PACS1: variants seen among roughly 807,000 people sequenced by gnomAD.
PACS1 encodes PACS-1.
A neutral mutation model predicts 115.0 loss-of-function variants in PACS1; 24 were observed. The observed-to-expected ratio is 0.21, with a 90% CI of 0.15 to 0.29. PACS1 has a LOEUF of 0.29. PACS1 is among the 10% of genes least tolerant of loss of function. The pLI, the probability that PACS1 is intolerant of heterozygous loss-of-function variation, is 1.00. For missense variants in PACS1, 838 were observed against 1,251.2 expected, an observed-to-expected ratio of 0.67 and a Z score of 4.98; for synonymous variants, 453 against 504.5, an observed-to-expected ratio of 0.90 and a Z score of 1.37.
intron 1 of PACS1, among the ~76,000 whole-genome samples, chr11:66,183,544 T>C (rs1164452559): frequency 6.6e-6 from 1 of 152,194 alleles, no homozygotes; most frequent in Non-Finnish European, 1.5e-5. Context: ...TCCAGGTCAC[T>C]TGTCTTCTGT....
At chr11:66,169,923 A>T (rs1344553712) in intron 1 of PACS1, among the ~76,000 whole-genome samples, 1 of 150,416 alleles carries the variant, frequency 6.6e-6, no homozygotes, top group African/African-American at 2.5e-5. Context: ...CGTTTGGTAG[A>T]ATTTGCCTGT....
At chr11:66,216,885 A>G in intron 7 of PACS1, 110 bp downstream of exon 7, 1 of 598,868 alleles carries the variant, frequency 1.7e-6, no homozygotes, top group Non-Finnish European at 3.0e-6. Flanking sequence ...ACACAGGGTC[A>G]TCCCTTCAAC....
intron 2 of PACS1, among the ~76,000 whole-genome samples, chr11:66,201,804 C>A (rs933216512): frequency 6.6e-6 from 1 of 151,724 alleles, no homozygotes; most frequent in Non-Finnish European, 1.5e-5. Flanking sequence ...GGATTACAGG[C>A]GCGCACCACC....
At chr11:66,213,413 T>C (rs1320532794) in intron 4 of PACS1, among the ~76,000 whole-genome samples, 3 of 152,212 alleles carry the variant, frequency 2.0e-5, no homozygotes, top group African/African-American at 7.2e-5. Flanking sequence ...TCTTGTACTT[T>C]CCCTGACCCA....
chr11:66,119,335 G>C (rs1360294528), intron 1 of PACS1, among the ~76,000 whole-genome samples: 1 of 152,204 alleles, frequency 6.6e-6, no homozygotes, highest in African/African-American at 2.4e-5. Flanking sequence ...ACACAGCCAT[G>C]CTCATTCGTT....
chr11:66,076,649 T>C (rs1214877393), intron 1 of PACS1, among the ~76,000 whole-genome samples: 1 of 152,216 alleles, frequency 6.6e-6, no homozygotes, highest in Non-Finnish European at 1.5e-5. Context: ...GGCCTCGGCC[T>C]CCCAAAGTGC....
chr11:66,207,753 A>G (rs1472213485), intron 2 of PACS1, among the ~76,000 whole-genome samples: 1 of 151,806 alleles, frequency 6.6e-6, no homozygotes, highest in East Asian at 1.9e-4. Context: ...GTGCAGTGAT[A>G]TAATCTTGGC....
At chr11:66,116,775 A>G (rs1017450987) in intron 1 of PACS1, among the ~76,000 whole-genome samples, 2 of 151,994 alleles carry the variant, frequency 1.3e-5, no homozygotes, top group Non-Finnish European at 2.9e-5. Flanking sequence ...CTGTGGTCCC[A>G]GCTACTCATA....
intron 1 of PACS1, among the ~76,000 whole-genome samples, chr11:66,092,729 C>T (rs1440246024): frequency 6.6e-6 from 1 of 152,124 alleles, no homozygotes; most frequent in Admixed American, 6.6e-5. Context: ...CCAGTTTCAG[C>T]TTTCTACATA....
At chr11:66,092,813 G>A (rs1857691986) in intron 1 of PACS1, among the ~76,000 whole-genome samples, 1 of 151,912 alleles carries the variant, frequency 6.6e-6, no homozygotes, top group African/African-American at 2.4e-5. Flanking sequence ...TCTCAGGTTT[G>A]TCAAAGATCA....
At chr11:66,082,984 G>A (rs578165094) in intron 1 of PACS1, among the ~76,000 whole-genome samples, 5 of 152,292 alleles carry the variant, frequency 3.3e-5, no homozygotes, top group African/African-American at 1.2e-4. Flanking sequence ...TCTCATATCA[G>A]CCACCTTTTA....
chr11:66,219,865 T>TC, intron 8 of PACS1, 60 bp downstream of exon 8: 1 of 1,168,984 alleles, frequency 8.6e-7, no homozygotes, highest in Non-Finnish European at 1.3e-6. Context: ...TCACCCAGCA[T>TC]CCCTGGAGTA....
chr11:66,126,039 CA>C (rs140207931), intron 1 of PACS1, among the ~76,000 whole-genome samples: 86,084 of 126,446 alleles, frequency 0.68, 29,236 homozygotes, highest in Non-Finnish European at 0.75. Flanking sequence ...GACTCTGCCT[CA>C]AAAAAAAAAA....
At chr11:66,222,501 A>G (rs2134721472) in intron 10 of PACS1, among the ~76,000 whole-genome samples, 1 of 152,276 alleles carries the variant, frequency 6.6e-6, no homozygotes, top group South Asian at 2.1e-4. Flanking sequence ...CTCAGGCCCT[A>G]GGAAGCTGCT....
At chr11:66,110,138 T>A (rs1220058143) in intron 1 of PACS1, among the ~76,000 whole-genome samples, 1 of 152,170 alleles carries the variant, frequency 6.6e-6, no homozygotes, top group Non-Finnish European at 1.5e-5. Flanking sequence ...TTGACTTCTC[T>A]GAAAGCATTG....
At chr11:66,109,899 T>C (rs1190686384) in intron 1 of PACS1, among the ~76,000 whole-genome samples, 1 of 152,220 alleles carries the variant, frequency 6.6e-6, no homozygotes, top group Non-Finnish European at 1.5e-5. Flanking sequence ...ATTAATACTC[T>C]GTTTATGAAA....
At chr11:66,187,048 A>G (rs1375750399) in intron 1 of PACS1, among the ~76,000 whole-genome samples, 1 of 152,168 alleles carries the variant, frequency 6.6e-6, no homozygotes, top group Non-Finnish European at 1.5e-5. Flanking sequence ...TGAATCATCC[A>G]TGTTGACACA....
intron 1 of PACS1, among the ~76,000 whole-genome samples, chr11:66,097,882 T>C (rs1255579676): frequency 6.6e-6 from 1 of 152,178 alleles, no homozygotes; most frequent in Non-Finnish European, 1.5e-5. Context: ...CTTTTTCTTA[T>C]TTTAAAAATA....
intron 1 of PACS1, among the ~76,000 whole-genome samples, chr11:66,182,959 G>A (rs565833951): frequency 1.3e-5 from 2 of 152,116 alleles, no homozygotes; most frequent in South Asian, 2.1e-4. Flanking sequence ...GTGAAACCTC[G>A]TCTCTACTAA....
Sources: gnomAD v4.1 joint callset for allele counts (sites outside exome capture counted in the v4.1 genomes callset) on GRCh38, gnomAD v4.1.1 for gene constraint, MANE v1.5 for transcripts, NCBI Gene and HGNC (gene_info 2026-07-23, HGNC 2026-07-21) for gene names.